KIAA0586: variants seen among roughly 807,000 people sequenced by gnomAD.
KIAA0586 encodes KIAA0586, also known as protein TALPID3.
Under a neutral mutation model 169.8 loss-of-function variants are expected in KIAA0586, and 144 were observed. That is an observed-to-expected ratio of 0.85 (90% CI 0.74 to 0.97). KIAA0586 has a LOEUF of 0.97. Ranked by LOEUF, KIAA0586 falls within the 50% of genes least tolerant of loss-of-function variation. The pLI, the probability that KIAA0586 is intolerant of heterozygous loss-of-function variation, is 0.00. For synonymous variants in KIAA0586, 625 were observed against 612.4 expected (o/e 1.02, Z -0.30); for missense variants, 1,854 against 1,823.0 (o/e 1.02, Z -0.31).
chr14:58,427,566 G>T (rs531310751), upstream of KIAA0586: 6 of 1,532,942 alleles, frequency 3.9e-6, no homozygotes, highest in Non-Finnish European at 5.2e-6. Flanking sequence ...TGTTATGTCC[G>T]GAGTTTGTTT....
rs754818478 is a variant in KIAA0586 at position 58,477,235 on chromosome 14, G to C, written c.2938G>C (p.Asp980His). The stretch of plus-strand genomic sequence containing the variant: ...TGAGACAAGTGAACCACTGACTTCT[G>C]ACATTGGTAAGTGAAATAGAATTTT... Reference protein sequence around the residue: ...VSETSEPLTSDIVEGTSSGAL... With the variant: ...VSETSEPLTSHIVEGTSSGAL... The change falls in exon 20 of 31, where the codon GAC becomes CAC. Residue 980 changes from aspartate (D) to histidine (H), a missense_variant. Physicochemically the swap from Asp to His is moderately conservative, Grantham distance 81. Coordinates refer to ENST00000652326, the MANE Select transcript of KIAA0586 (RefSeq NM_001329943.3). 8 of 1,504,586 alleles carry C rather than the reference G, an allele frequency of 5.3e-6. No individual in the cohort carries two copies. Among genetic ancestry groups the C allele is most frequent in the Admixed American group, 1.9e-5 (1 of 51,952 alleles). 93.2% of individuals were successfully genotyped at this position (1,504,586 alleles called of 1,614,324 possible).
chr14:58,470,453 A>G (rs1595245034), intron 16 of KIAA0586, among the ~76,000 whole-genome samples, 160 bp from the exon 17 acceptor site: 1 of 152,096 alleles, frequency 6.6e-6, no homozygotes, highest in African/African-American at 2.4e-5. Context: ...TAATTAAAAA[A>G]TTTTGTTATC....
At chr14:58,500,309 C>T (rs1463140563) in intron 27 of KIAA0586, among the ~76,000 whole-genome samples, 1 of 152,172 alleles carries the variant, frequency 6.6e-6, no homozygotes, top group Non-Finnish European at 1.5e-5. Flanking sequence ...TAATATTGAA[C>T]TCACAGCCAT....
intron 23 of KIAA0586, 64 bp from the exon 24 acceptor site, chr14:58,488,557 A>C: frequency 6.5e-7 from 1 of 1,548,154 alleles, no homozygotes; most frequent in Non-Finnish European, 8.7e-7. Context: ...TCTGTTTTTT[A>C]TATCAAAATG....
At chr14:58,532,847 C>T (rs970819076) in intron 29 of KIAA0586, among the ~76,000 whole-genome samples, 3 of 152,154 alleles carry the variant, frequency 2.0e-5, no homozygotes. Context: ...GCTATTTGCT[C>T]TCTGTTAAAA....
chr14:58,467,661 G>T (rs759965253), intron 15 of KIAA0586, 74 bp from the exon 16 acceptor site: 1 of 1,067,622 alleles, frequency 9.4e-7, no homozygotes, highest in Non-Finnish European at 1.4e-6. Context: ...TAGCCATTAA[G>T]ATCCAGATGG....
intron 29 of KIAA0586, among the ~76,000 whole-genome samples, chr14:58,534,128 C>T (rs2046146907): frequency 6.6e-6 from 1 of 152,098 alleles, no homozygotes; most frequent in Non-Finnish European, 1.5e-5. Flanking sequence ...TGAGAGAAGT[C>T]TTCATATTTA....
intron 4 of KIAA0586, chr14:58,439,761 TG>T: frequency 1.2e-6 from 1 of 811,022 alleles, no homozygotes; most frequent in Non-Finnish European, 1.5e-6. Flanking sequence ...TTAGTAGAAA[TG>T]GGGAAATATC....
In KIAA0586 at chr14:58,534,846, C is replaced by T. The variant is rs113310744; in HGVS notation, c.4430-5225C>T. Among the ~76,000 whole-genome samples the T allele has an allele frequency of 3.3e-3, 507 of 152,286 alleles. 7 individuals carry two copies. The highest frequency in any genetic ancestry group is 0.012 in the African/African-American group (482 of 41,574). On this transcript the variant is annotated intron_variant, in intron 29 of 30. Transcript: ENST00000652326. ...ATTGCTGAAACTGCCCTATTGGTTT[C>T]TTCCATTTTAACTTTTTTATGGAAG...
the KIAA0586 span, among the ~76,000 whole-genome samples, chr14:58,560,611 A>G: frequency 1.8e-4 from 28 of 152,310 alleles, no homozygotes; most frequent in Non-Finnish European, 2.1e-4. Context: ...ATGAGCCTGA[A>G]AAAGGCCTTT....
intron 14 of KIAA0586, among the ~76,000 whole-genome samples, chr14:58,463,380 A>G (rs1228354808): frequency 1.3e-5 from 2 of 152,248 alleles, no homozygotes; most frequent in African/African-American, 4.8e-5. Context: ...TTGTGCCAGA[A>G]ACAATGTTTA....
At chr14:58,538,108 A>G (rs2046414907) in intron 29 of KIAA0586, among the ~76,000 whole-genome samples, 1 of 152,136 alleles carries the variant, frequency 6.6e-6, no homozygotes, top group African/African-American at 2.4e-5. Context: ...GTGAGCTATG[A>G]TTGTACCACT....
rs545973204 is a variant in KIAA0586 at position 58,479,469 on chromosome 14, T to C, written c.2944+2228T>C. Among the ~76,000 whole-genome samples the C allele has an allele frequency of 9.6e-4, 147 of 152,336 alleles. 1 individual carries two copies. Among genetic ancestry groups the C allele is most frequent in the African/African-American group, 2.8e-3 (117 of 41,586 alleles). On this transcript the variant is annotated intron_variant, in intron 20 of 30. Coordinates refer to ENST00000652326, the MANE Select transcript of KIAA0586 (RefSeq NM_001329943.3). ...AAATATTTTCTTCTACTTTGTGTTT[T>C]GCCTTTTTGTTTTCTCAGCATTATT...
rs375249313 is a variant in KIAA0586 at position 58,450,751 on chromosome 14, T to C, written c.1129+5T>C. The C allele has an allele frequency of 4.5e-6, 7 of 1,570,682 alleles. No homozygotes were observed. The highest frequency in any genetic ancestry group is 2.2e-5 in the East Asian group (1 of 44,562). ...TGGAAGTGTCGTGTCACAGAGGTAA[T>C]AGAGACTTTTACTAGACCTATCCCA... On this transcript the variant is annotated splice_donor_5th_base_variant and intron_variant, in intron 8 of 30. Coordinates refer to ENST00000652326, the MANE Select transcript of KIAA0586 (RefSeq NM_001329943.3).
intron 4 of KIAA0586, among the ~76,000 whole-genome samples, chr14:58,435,565 C>T (rs1348865254): frequency 6.6e-6 from 1 of 152,084 alleles, no homozygotes; most frequent in African/African-American, 2.4e-5. Context: ...GTAACGTATT[C>T]CTGACTTATT....
At chr14:58,482,403 G>C (rs956252236) in intron 20 of KIAA0586, 110 bp from the exon 21 acceptor site, 3 of 811,892 alleles carry the variant, frequency 3.7e-6, no homozygotes, top group Non-Finnish European at 5.3e-6. Flanking sequence ...TCCAGCCTGG[G>C]TGACAGAGTG....
intron 27 of KIAA0586, among the ~76,000 whole-genome samples, chr14:58,507,312 CAT>C (rs924941138): frequency 2.8e-5 from 4 of 141,688 alleles, no homozygotes; most frequent in Middle Eastern, 3.7e-3. Flanking sequence ...ATTTATATAT[CAT>C]ATATATTTAT....
intron 30 of KIAA0586, among the ~76,000 whole-genome samples, chr14:58,540,782 A>C (rs1421234159): frequency 6.6e-6 from 1 of 152,258 alleles, no homozygotes; most frequent in Non-Finnish European, 1.5e-5. Flanking sequence ...GAAATGTTTA[A>C]TAGTGACTAA....
downstream of KIAA0586, among the ~76,000 whole-genome samples, chr14:58,555,992 T>C (rs903275223): frequency 2.6e-5 from 4 of 152,254 alleles, no homozygotes; most frequent in South Asian, 8.3e-4. Flanking sequence ...CTAACTTAAC[T>C]GACACATATT....
Sources: allele counts gnomAD v4.1 joint callset (sites outside exome capture counted in the v4.1 genomes callset), GRCh38; gene constraint gnomAD v4.1.1; transcripts MANE v1.5; gene names NCBI Gene and HGNC (gene_info 2026-07-23, HGNC 2026-07-21).